Variants in PLCG1 observed in about 807,000 individuals in gnomAD.
The protein encoded by PLCG1 is 1-phosphatidylinositol 4,5-bisphosphate phosphodiesterase gamma-1.
In PLCG1, 71 loss-of-function variants were observed where a neutral mutation model predicts 177.8. The ratio of observed to expected loss-of-function variants is 0.40; its 90% CI spans 0.33 to 0.49. The LOEUF (loss-of-function observed/expected upper bound fraction) is 0.49, where lower values mean the gene tolerates loss of function less well. Among genes scored for constraint, PLCG1 ranks in the 20% least tolerant of loss-of-function variants. The pLI is 0.72. For missense variants in PLCG1, 1,281 were observed against 1,709.0 expected (o/e 0.75, Z 4.42); for synonymous variants, 658 against 647.9 (o/e 1.02, Z -0.24).
chr20:41,152,342 G>T (rs542989639), intron 1 of PLCG1, among the ~76,000 whole-genome samples: 9 of 152,202 alleles, frequency 5.9e-5, no homozygotes, highest in African/African-American at 2.2e-4. Context: ...AGCTTCCCGT[G>T]GTTCCCACTG....
Position 41,173,075 on chromosome 20 carries a change from G to C in PLCG1, c.3279+198G>C, listed in dbSNP as rs35881302. 0.012 allele frequency among the ~76,000 whole-genome samples: 1,878 copies of C among 152,280 alleles called. 42 individuals carry two copies. The highest frequency in any genetic ancestry group is 0.043 in the African/African-American group (1,795 of 41,528). On this transcript the variant is annotated intron_variant, in intron 27 of 31. Transcript: ENST00000685551. The surrounding 1 kb of genome is among the most constrained non-coding windows in gnomAD (Gnocchi z 6.2). ...TCTAGGACGTGCAGAGCCATGGTGT[G>C]ACTTGTTCTGATGACTTGTTTTGTT...
chr20:41,162,810 C>T, intron 6 of PLCG1, 85 bp downstream of exon 6: 1 of 1,383,142 alleles, frequency 7.2e-7, no homozygotes, highest in Non-Finnish European at 1.0e-6. Context: ...GCCCTGCTGC[C>T]CTGCTTAGGG....
At position 41,163,545 on chromosome 20, in the gene PLCG1, G is replaced by A. The variant is rs1212378386; in HGVS notation, c.891+66G>A. On this transcript the variant is annotated intron_variant, in intron 9 of 31. Transcript: ENST00000685551. This position sits in a 1 kb window ranked among gnomAD's most constrained non-coding sequence, Gnocchi z 5.2. ...GTAGGGGTGACCAGGACCCCACCCG[G>A]GCTCCAGGAGCTAGACGCTCCTTAG... is the stretch of plus-strand genomic sequence containing the variant. 10 of 1,246,856 alleles carry A rather than the reference G, an allele frequency of 8.0e-6. No homozygotes were observed. The highest frequency in any genetic ancestry group is 1.2e-5 in the Non-Finnish European group (10 of 850,690). 77.2% of individuals were successfully genotyped at this position (1,246,856 alleles called of 1,614,324 possible). A position where few individuals can be genotyped will look rare whatever the true frequency, so the allele number is the denominator to read the frequency against.
rs201359612 is a variant in PLCG1 at position 41,169,412 on chromosome 20, T to C, written c.2581-45T>C. On this transcript the variant is annotated intron_variant, in intron 22 of 31. Coordinates refer to ENST00000685551, the MANE Select transcript of PLCG1 (RefSeq NM_002660.3). ...GCACACGGATATCCCCTCACACACATATGCAGTAGCCATGCTGACCATTGG... is the reference window on the plus strand; with the variant it reads ...GCACACGGATATCCCCTCACACACACATGCAGTAGCCATGCTGACCATTGG... 565 of 1,426,186 alleles carry C rather than the reference T, an allele frequency of 4.0e-4. 4 individuals carry two copies. The highest frequency in any genetic ancestry group is 3.4e-3 in the South Asian group (294 of 87,044). The allele number at this position is 1,426,186 out of a possible 1,614,324, so 88.3% of individuals were successfully genotyped here.
At position 41,153,362 on chromosome 20, in the gene PLCG1, A is replaced by C. The variant is rs1037689165; in HGVS notation, c.218-6244A>C. On this transcript the variant is annotated intron_variant, in intron 1 of 31. Transcript: ENST00000685551. The surrounding 1 kb of genome is among the most constrained non-coding windows in gnomAD (Gnocchi z 5.1). ...GTGATCATAGCTCATAGAGCTTCCT[A>C]CTCATCTGCAGCCTCAAACCCTTGG... Among the ~76,000 whole-genome samples the C allele has an allele frequency of 1.3e-5, 2 of 151,968 alleles. No homozygotes were observed. Among genetic ancestry groups the C allele is most frequent in the Admixed American group, 6.6e-5 (1 of 15,256 alleles).
At position 41,164,180 on chromosome 20, in the gene PLCG1, A is replaced by G; in HGVS notation, c.1196A>G (p.Glu399Gly). Residue 399 changes from glutamate to glycine, a missense_variant, in exon 12 of 32, where the codon GAG becomes GGG. Transcript: ENST00000685551. This position sits in a 1 kb window ranked among gnomAD's most constrained non-coding sequence, Gnocchi z 6.4. ...TCAGATGTCCTGCACACCATCAAGG[A>G]GCATGCCTTTGTGGCCTCAGAGTGA... ...KFSDVLHTIK[E>G]HAFVASEYPV... 1 of 1,614,042 alleles carries G rather than the reference A, an allele frequency of 6.2e-7. No homozygotes were observed. The highest frequency in any genetic ancestry group is 8.5e-7 in the Non-Finnish European group (1 of 1,180,008).
chr20:41,155,391 G>T (rs1200301986), intron 1 of PLCG1, among the ~76,000 whole-genome samples: 1 of 152,202 alleles, frequency 6.6e-6, no homozygotes, highest in African/African-American at 2.4e-5. Flanking sequence ...GAACCAGAGA[G>T]GACTGCAGAC....
Position 41,166,936 on chromosome 20 carries a change from G to GTAA in PLCG1, c.2301+78_2301+80dup. 7.4e-7 allele frequency: 1 copy of GTAA among 1,353,566 alleles called. No individual in the cohort carries two copies. Among genetic ancestry groups the GTAA allele is most frequent in the African/African-American group, 1.4e-5 (1 of 70,046 alleles). The allele number at this position is 1,353,566 out of a possible 1,614,324, so 83.8% of individuals were successfully genotyped here. A position where few individuals can be genotyped will look rare whatever the true frequency, so the allele number is the denominator to read the frequency against. On this transcript the variant is annotated intron_variant, in intron 19 of 31. Transcript: ENST00000685551. This position sits in a 1 kb window ranked among gnomAD's most constrained non-coding sequence, Gnocchi z 8.6. ...GAATCTTACCAGTCTCTGGATGTGTGTAACAGCAAGACCTGGTGTGTTGTA... is the reference window on the plus strand; with the variant it reads ...GAATCTTACCAGTCTCTGGATGTGTGTAATAACAGCAAGACCTGGTGTGTTGTA...
Position 41,173,324 on chromosome 20 carries a change from G to A in PLCG1, c.3280-96G>A, listed in dbSNP as rs1339259039. On this transcript the variant is annotated intron_variant, in intron 27 of 31. Transcript: ENST00000685551. This position sits in a 1 kb window ranked among gnomAD's most constrained non-coding sequence, Gnocchi z 6.2. ...GTCCCGGGGGCCCAGCAGAGGGCGC[G>A]CTGCCTCCACTCCACAGATGCTGAC... 4.5e-6 allele frequency: 6 copies of A among 1,323,942 alleles called. No homozygotes were observed. The highest frequency in any genetic ancestry group is 2.8e-5 in the Admixed American group (1 of 36,106). The allele number at this position is 1,323,942 out of a possible 1,614,324, so 82.0% of individuals were successfully genotyped here.
chr20:41,163,187 C>T lies in PLCG1; in HGVS notation c.717-16C>T, dbSNP rs374024840. Reference sequence around the variant, plus strand: ...TCTGTTGACCATACTAGCTAGCTTACCTTCTCTCCCTGCAGGGCTGGGGAG... The same window carrying T: ...TCTGTTGACCATACTAGCTAGCTTATCTTCTCTCCCTGCAGGGCTGGGGAG... On this transcript the variant is annotated splice_polypyrimidine_tract_variant and intron_variant, in intron 7 of 31. Coordinates refer to ENST00000685551, the MANE Select transcript of PLCG1 (RefSeq NM_002660.3). The surrounding 1 kb of genome is among the most constrained non-coding windows in gnomAD (Gnocchi z 5.2). 19 of 1,544,880 alleles carry T rather than the reference C, an allele frequency of 1.2e-5. 1 individual carries two copies. In the South Asian group the frequency reaches 2.0e-4, roughly 17 times the overall value.
Position 41,172,848 on chromosome 20 carries a change from G to A in PLCG1, c.3250G>A (p.Gly1084Arg), listed in dbSNP as rs772187447. The part of the protein sequence containing the change: ...FDPFDKSSLR[G>R]LEPCAISIEV... The stretch of plus-strand genomic sequence containing the variant: ...CCCCTTTGACAAGAGCAGCCTCCGC[G>A]GGCTGGAGCCATGTGCCATCTCTAT... The change falls in exon 27 of 32, where the codon GGG (glycine) becomes AGG (arginine). Residue 1084 changes from glycine (G) to arginine (R), a missense_variant. This residue lies in a region of PLCG1 where 723 missense variants were observed against 1,030.0 expected (regional missense o/e 0.70). Transcript: ENST00000685551. This position sits in a 1 kb window ranked among gnomAD's most constrained non-coding sequence, Gnocchi z 7.0. 1.2e-5 allele frequency: 19 copies of A among 1,614,000 alleles called. No individual in the cohort carries two copies. The highest frequency in any genetic ancestry group is 2.2e-5 in the East Asian group (1 of 44,898).
rs2036093762 is a variant in PLCG1 at position 41,177,382 on chromosome 20, TG to T, written c.*2875del. On this transcript the variant is annotated 3_prime_UTR_variant, in exon 32 of 32. Transcript: ENST00000685551. ...GTTTCTGACCTCAGTTGAGTATCTG[TG>T]GCCATGAGCAGAAAAGGCAGGGGTC... 1 of 152,248 alleles carries T rather than the reference TG, an allele frequency of 6.6e-6. No individual in the cohort carries two copies. Among genetic ancestry groups the T allele is most frequent in the Admixed American group, 6.5e-5 (1 of 15,284 alleles). 9.4% of individuals were successfully genotyped at this position (152,248 alleles called of 1,614,324 possible). A position where few individuals can be genotyped will look rare whatever the true frequency, so the allele number is the denominator to read the frequency against.
Position 41,137,600 on chromosome 20 carries a change from G to T in PLCG1, c.-42G>T. The stretch of plus-strand genomic sequence containing the variant: ...CCGCCGCCGTTGCGCTTGCTCCCGG[G>T]CGGTCCTGGCCTGTGCCGCCGCCGC... On this transcript the variant is annotated 5_prime_UTR_variant, in exon 1 of 32. Transcript: ENST00000685551. This position sits in a 1 kb window ranked among gnomAD's most constrained non-coding sequence, Gnocchi z 7.3. 8.3e-7 allele frequency: 1 copy of T among 1,207,796 alleles called. No homozygotes were observed. The allele number at this position is 1,207,796 out of a possible 1,614,324, so 74.8% of individuals were successfully genotyped here. A position where few individuals can be genotyped will look rare whatever the true frequency, so the allele number is the denominator to read the frequency against.
At chr20:41,162,800 G>C in intron 6 of PLCG1, 75 bp downstream of exon 6, 2 of 1,386,364 alleles carry the variant, frequency 1.4e-6, no homozygotes, top group Non-Finnish European at 2.0e-6. Context: ...GCCTGCCTCA[G>C]CCCTGCTGCC....
intron 6 of PLCG1, 36 bp from the exon 7 acceptor site, chr20:41,162,922 A>G (rs201487493): frequency 2.5e-6 from 4 of 1,605,974 alleles, no homozygotes; most frequent in Non-Finnish European, 2.6e-6. Context: ...ATGGCCTCCC[A>G]GGGGTCTTGC....
chr20:41,165,554 G>A lies in PLCG1; in HGVS notation c.1611+3G>A. On this transcript the variant is annotated splice_donor_region_variant and intron_variant, in intron 15 of 31. Transcript: ENST00000685551. This position sits in a 1 kb window ranked among gnomAD's most constrained non-coding sequence, Gnocchi z 6.6. Reference sequence around the variant, plus strand: ...AGGATGAGGAGGAGCCCAAGGAGGTGAGGAACCAGCTCAGGTCTGGGGGCT... The same window carrying A: ...AGGATGAGGAGGAGCCCAAGGAGGTAAGGAACCAGCTCAGGTCTGGGGGCT... The A allele has an allele frequency of 6.2e-7, 1 of 1,613,460 alleles. No individual in the cohort carries two copies. Among genetic ancestry groups the A allele is most frequent in the Non-Finnish European group, 8.5e-7 (1 of 1,179,356 alleles).
In PLCG1 at chr20:41,157,202, C is replaced by CCCTGTGTGTGTGTGTGTG. The variant is rs2035348057; in HGVS notation, c.218-2404_218-2403insCCTGTGTGTGTGTGTGTG. On this transcript the variant is annotated intron_variant, in intron 1 of 31. Transcript: ENST00000685551. The surrounding 1 kb of genome is among the most constrained non-coding windows in gnomAD (Gnocchi z 5.4). ...ATGTGCAGGAGTGCAGGCCTGTTGA[C>CCCTGTGTGTGTGTGTGTG]TCTGTGTGTGTGTGTGTGTGTGTGT... 3.4e-5 allele frequency among the ~76,000 whole-genome samples: 2 copies of CCCTGTGTGTGTGTGTGTG among 59,336 alleles called. No homozygotes were observed. The highest frequency in any genetic ancestry group is 1.8e-4 in the African/African-American group (2 of 10,876). The allele number at this position is 59,336 out of a possible 152,430, so 38.9% of individuals were successfully genotyped here. A position where few individuals can be genotyped will look rare whatever the true frequency, so the allele number is the denominator to read the frequency against.
chr20:41,169,180 G>A lies in PLCG1; in HGVS notation c.2580+5G>A, dbSNP rs999802834. 3.8e-6 allele frequency: 6 copies of A among 1,588,192 alleles called. No individual in the cohort carries two copies. The African/African-American group carries it at 4.0e-5, about 11-fold the overall frequency. On this transcript the variant is annotated splice_donor_5th_base_variant and intron_variant, in intron 22 of 31. Coordinates refer to ENST00000685551, the MANE Select transcript of PLCG1 (RefSeq NM_002660.3). Reference sequence around the variant, plus strand: ...GCCCTGGAGCCGGAGAGGGAGGTAAGACCAGAACCACCTGAGTAACAGCAT... The same window carrying A: ...GCCCTGGAGCCGGAGAGGGAGGTAAAACCAGAACCACCTGAGTAACAGCAT...
At position 41,146,409 on chromosome 20, in the gene PLCG1, A is replaced by G. The variant is rs1396169165; in HGVS notation, c.217+8551A>G. Among the ~76,000 whole-genome samples, 2 of 152,132 alleles carry G rather than the reference A, an allele frequency of 1.3e-5. No homozygotes were observed. The highest frequency in any genetic ancestry group is 4.8e-5 in the African/African-American group (2 of 41,422). The stretch of plus-strand genomic sequence containing the variant: ...CCATCCTACCCCCTGGGGTCCCTCC[A>G]CCTGCCAGCTGGCACACAGGTGTTG... On this transcript the variant is annotated intron_variant, in intron 1 of 31. Coordinates refer to ENST00000685551, the MANE Select transcript of PLCG1 (RefSeq NM_002660.3). The surrounding 1 kb of genome is among the most constrained non-coding windows in gnomAD (Gnocchi z 6.3).
Sources: allele counts gnomAD v4.1 joint callset (sites outside exome capture counted in the v4.1 genomes callset), GRCh38; gene constraint gnomAD v4.1.1; regional missense constraint gnomAD v4.1.1; non-coding constraint Gnocchi (gnomAD v3.1); transcripts MANE v1.5; gene names NCBI Gene and HGNC (gene_info 2026-07-23, HGNC 2026-07-21).